C5: variants seen among roughly 807,000 people sequenced by gnomAD.
C5 encodes C3 and PZP-like alpha-2-macroglobulin domain-containing protein 4.
Under a neutral mutation model 218.8 loss-of-function variants are expected in C5, and 140 were observed. The observed-to-expected ratio is 0.64, with a 90% CI of 0.56 to 0.74. C5 has a LOEUF of 0.74. C5 is among the 30% of genes least tolerant of loss of function. The pLI is 0.00. For synonymous variants in C5, 614 were observed against 682.3 expected, an observed-to-expected ratio of 0.90 and a Z score of 1.56; for missense variants, 1,700 against 1,969.6, an observed-to-expected ratio of 0.86 and a Z score of 2.59.
chr9:121,043,260 T>C, intron 2 of C5, 94 bp from the exon 3 acceptor site: 1 of 1,027,658 alleles, frequency 9.7e-7, no homozygotes, highest in Admixed American at 2.0e-5. Context: ...ATTAGAACAA[T>C]CAGTATGTAT....
At chr9:121,018,716 A>G (rs1362763281) in intron 12 of C5, among the ~76,000 whole-genome samples, 13 of 142,178 alleles carry the variant, frequency 9.1e-5, no homozygotes, top group African/African-American at 1.6e-4. Flanking sequence ...AAGAAAAGAA[A>G]GAAAGAAAGA....
chr9:121,018,629 GGGAGGGAGGGAGGGAGGGAAA>G, intron 12 of C5, among the ~76,000 whole-genome samples: 2 of 82,392 alleles, frequency 2.4e-5, no homozygotes, highest in African/African-American at 4.6e-5. Context: ...CAAGAAAGAA[GGGAGGGAGGGAGGGAGGGAAA>G]GAAAGAAAGA....
intron 7 of C5, among the ~76,000 whole-genome samples, chr9:121,027,649 A>G (rs1444978900): frequency 6.6e-6 from 1 of 152,230 alleles, no homozygotes; most frequent in Non-Finnish European, 1.5e-5. Context: ...ATATATAGAA[A>G]GCTGAAACTG....
chr9:120,963,818 C>A (rs2046846399), intron 33 of C5, 80 bp from the exon 34 acceptor site: 3 of 1,078,242 alleles, frequency 2.8e-6, no homozygotes, highest in African/African-American at 1.6e-5. Flanking sequence ...CCTTAGTAGA[C>A]CTTAATTTTT....
intron 39 of C5, 70 bp downstream of exon 39, chr9:120,957,215 T>C: frequency 9.6e-7 from 1 of 1,042,636 alleles, no homozygotes; most frequent in Non-Finnish European, 1.5e-6. Flanking sequence ...GTGTTTAATA[T>C]AATGCCTGGC....
the C5 span, among the ~76,000 whole-genome samples, chr9:121,071,190 C>T: frequency 1.3e-5 from 2 of 151,926 alleles, no homozygotes; most frequent in African/African-American, 4.8e-5. Flanking sequence ...CGTGGAGTCA[C>T]ACACCTGTAA....
chr9:120,956,037 C>T (rs1009841315), intron 39 of C5, among the ~76,000 whole-genome samples: 1 of 151,764 alleles, frequency 6.6e-6, no homozygotes, highest in Non-Finnish European at 1.5e-5. Flanking sequence ...GGCTCACACA[C>T]GTAATCCCAG....
chr9:121,052,453 G>GAAA (rs1192286050), upstream of C5, among the ~76,000 whole-genome samples: 31 of 62,818 alleles, frequency 4.9e-4, no homozygotes, highest in Admixed American at 5.3e-4. Flanking sequence ...CTCCATCTCA[G>GAAA]AAAAAAAAAA....
At chr9:121,005,089 T>C (rs1172787824) in intron 20 of C5, among the ~76,000 whole-genome samples, 1 of 152,174 alleles carries the variant, frequency 6.6e-6, no homozygotes. Context: ...ATAAAGTTAG[T>C]GTTTTAAAAA....
chr9:121,026,509 T>C (rs985274562), intron 8 of C5, among the ~76,000 whole-genome samples: 1 of 152,180 alleles, frequency 6.6e-6, no homozygotes. Context: ...CTCAGCATTA[T>C]TGACATTTTG....
At chr9:121,066,636 G>C in the C5 span, among the ~76,000 whole-genome samples, 2 of 151,634 alleles carry the variant, frequency 1.3e-5, no homozygotes, top group Non-Finnish European at 2.9e-5. Flanking sequence ...CCTGAGGTCG[G>C]GAGTTCGAGA....
At chr9:121,031,819 A>G (rs747350256) in intron 6 of C5, among the ~76,000 whole-genome samples, 20 of 152,296 alleles carry the variant, frequency 1.3e-4, no homozygotes, top group Non-Finnish European at 2.1e-4. Context: ...TAATCCCAGC[A>G]CTTTGGGAGG....
chr9:121,061,941 C>T, the C5 span, among the ~76,000 whole-genome samples: 2 of 152,202 alleles, frequency 1.3e-5, no homozygotes, highest in East Asian at 3.8e-4. Flanking sequence ...TGTGAATTAT[C>T]CTATCTTTCC....
At chr9:121,074,342 G>A in the C5 span, among the ~76,000 whole-genome samples, 1 of 152,232 alleles carries the variant, frequency 6.6e-6, no homozygotes. Flanking sequence ...GATGAAGCCT[G>A]TGCAAGTGCT....
At chr9:120,984,211 T>C (rs2047016177) in intron 25 of C5, among the ~76,000 whole-genome samples, 1 of 151,994 alleles carries the variant, frequency 6.6e-6, no homozygotes, top group Non-Finnish European at 1.5e-5. Context: ...TAAAGATTTT[T>C]TTTTTGATAT....
chr9:120,986,628 C>T (rs2131705969), intron 25 of C5, among the ~76,000 whole-genome samples: 1 of 152,266 alleles, frequency 6.6e-6, no homozygotes, highest in South Asian at 2.1e-4. Context: ...TCCTGTGGGG[C>T]TTTCTGCTCT....
At chr9:121,037,440 A>AGTAGCT (rs41307994) in intron 4 of C5, among the ~76,000 whole-genome samples, 90,734 of 150,522 alleles carry the variant, frequency 0.6, 27,551 homozygotes, top group East Asian at 0.78. Flanking sequence ...CAGCCTCCCG[A>AGTAGCT]GTAGCTGGGA....
At chr9:121,056,270 T>A in the C5 span, among the ~76,000 whole-genome samples, 2 of 152,196 alleles carry the variant, frequency 1.3e-5, no homozygotes, top group Non-Finnish European at 2.9e-5. Flanking sequence ...TAAGGCACCA[T>A]TGACCGATCC....
intron 17 of C5, among the ~76,000 whole-genome samples, chr9:121,010,515 A>C (rs191474628): frequency 6.6e-6 from 1 of 152,336 alleles, no homozygotes; most frequent in East Asian, 1.9e-4. Context: ...AAGTTATTCC[A>C]TATTCATGGA....
Sources: allele counts gnomAD v4.1 joint callset (sites outside exome capture counted in the v4.1 genomes callset), GRCh38; gene constraint gnomAD v4.1.1; transcripts MANE v1.5; gene names NCBI Gene and HGNC (gene_info 2026-07-23, HGNC 2026-07-21).